Variants in MYO10 observed in about 807,000 individuals in gnomAD.
MYO10 encodes myosin X.
A neutral mutation model predicts 257.3 loss-of-function variants in MYO10; 133 were observed. That is an observed-to-expected ratio of 0.52 (90% CI 0.45 to 0.60). MYO10 has a LOEUF of 0.60. MYO10 is among the 20% of genes least tolerant of loss of function. MYO10 has a pLI of 0.00. For missense variants in MYO10, 2,399 were observed against 2,635.7 expected (o/e 0.91, Z 1.97); for synonymous variants, 1,104 against 1,028.6 (o/e 1.07, Z -1.40).
chr5:16,926,229 G>A (rs1330845760), intron 1 of MYO10, among the ~76,000 whole-genome samples: 1 of 152,090 alleles, frequency 6.6e-6, no homozygotes, highest in East Asian at 1.9e-4. Flanking sequence ...TCAGATTACG[G>A]ATATTCAACC....
chr5:16,883,107 A>G (rs946286411), intron 1 of MYO10, among the ~76,000 whole-genome samples: 2 of 151,696 alleles, frequency 1.3e-5, no homozygotes, highest in Admixed American at 6.6e-5. Context: ...AGTAGAGACG[A>G]GGTTTCACCG....
intron 2 of MYO10, among the ~76,000 whole-genome samples, chr5:16,841,494 T>C (rs1743479857): frequency 6.6e-6 from 1 of 152,186 alleles, no homozygotes. Flanking sequence ...CCAAAATTTA[T>C]CTCTGCGAAC....
chr5:16,691,110 A>G (rs1329410162), intron 27 of MYO10, among the ~76,000 whole-genome samples: 1 of 151,666 alleles, frequency 6.6e-6, no homozygotes, highest in Non-Finnish European at 1.5e-5. Flanking sequence ...TCTACTAAAA[A>G]TACAAAAAAA....
chr5:16,840,434 AAT>A (rs1743443111), intron 2 of MYO10, among the ~76,000 whole-genome samples: 1 of 112,544 alleles, frequency 8.9e-6, no homozygotes, highest in African/African-American at 2.6e-5. Flanking sequence ...TGAATGAATG[AAT>A]GAATGAATGA....
chr5:16,791,450 C>T (rs918349242), intron 4 of MYO10, among the ~76,000 whole-genome samples: 2 of 152,084 alleles, frequency 1.3e-5, no homozygotes, highest in African/African-American at 4.8e-5. Context: ...ATCAGCATTG[C>T]ATAATTGGAG....
chr5:16,907,635 TA>T (rs1745552873), intron 1 of MYO10, among the ~76,000 whole-genome samples: 1 of 152,212 alleles, frequency 6.6e-6, no homozygotes, highest in African/African-American at 2.4e-5. Context: ...AGGATTTACA[TA>T]AGGAGACATA....
intron 19 of MYO10, among the ~76,000 whole-genome samples, chr5:16,731,044 CTTTT>C (rs907400094): frequency 7.3e-6 from 1 of 136,946 alleles, no homozygotes. Flanking sequence ...TCAAAACACA[CTTTT>C]TTTTTTTTTT....
At chr5:16,836,347 G>A (rs1474446418) in intron 2 of MYO10, among the ~76,000 whole-genome samples, 1 of 152,188 alleles carries the variant, frequency 6.6e-6, no homozygotes, top group Non-Finnish European at 1.5e-5. Flanking sequence ...CACTGTTACA[G>A]ACAAAAATAG....
intron 27 of MYO10, among the ~76,000 whole-genome samples, chr5:16,691,840 T>C (rs1737523684): frequency 1.3e-5 from 2 of 152,194 alleles, no homozygotes; most frequent in South Asian, 2.1e-4. Context: ...ACTCGATCAC[T>C]CTCTAGGTCT....
chr5:16,877,510 G>A (rs1561033329), intron 2 of MYO10, 99 bp downstream of exon 2: 1 of 822,978 alleles, frequency 1.2e-6, no homozygotes, highest in Non-Finnish European at 2.0e-6. Context: ...AAAATGTAAA[G>A]CGTGTGTATG....
intron 3 of MYO10, among the ~76,000 whole-genome samples, chr5:16,812,409 G>A (rs923633860): frequency 1.3e-5 from 2 of 152,154 alleles, no homozygotes; most frequent in African/African-American, 2.4e-5. Flanking sequence ...TCCCCTCAGC[G>A]ACAAGCCTGG....
At chr5:16,773,160 AAAGAAT>A (rs1252500531) in intron 9 of MYO10, among the ~76,000 whole-genome samples, 5 of 152,230 alleles carry the variant, frequency 3.3e-5, no homozygotes, top group Admixed American at 6.5e-5. Flanking sequence ...AAACAGAAAC[AAAGAAT>A]AAGAACTATT....
chr5:16,756,600 A>G (rs962944127), intron 18 of MYO10, among the ~76,000 whole-genome samples: 3 of 152,168 alleles, frequency 2.0e-5, no homozygotes, highest in African/African-American at 7.2e-5. Context: ...ACATCCTGAC[A>G]TTCACGGCCC....
chr5:16,745,546 C>T (rs1372601955), intron 19 of MYO10, among the ~76,000 whole-genome samples: 3 of 151,702 alleles, frequency 2.0e-5, no homozygotes, highest in East Asian at 3.9e-4. Flanking sequence ...ATTAGCCAGG[C>T]CCAGTGGTGG....
chr5:16,886,722 A>G (rs1163522874), intron 1 of MYO10, among the ~76,000 whole-genome samples: 1 of 152,184 alleles, frequency 6.6e-6, no homozygotes, highest in African/African-American at 2.4e-5. Context: ...ACTTGAGATC[A>G]GGAGTTTGAC....
chr5:16,933,474 C>T (rs1285290024), intron 1 of MYO10, among the ~76,000 whole-genome samples: 1 of 152,220 alleles, frequency 6.6e-6, no homozygotes, highest in East Asian at 1.9e-4. Flanking sequence ...ATTGTTAGCA[C>T]TGGCTTTAAA....
chr5:16,737,189 C>G (rs531582424), intron 19 of MYO10, among the ~76,000 whole-genome samples: 12 of 152,168 alleles, frequency 7.9e-5, no homozygotes, highest in Non-Finnish European at 1.8e-4. Flanking sequence ...GTTACTGTAT[C>G]TTTAATAGGA....
chr5:16,760,981 T>A (rs1333699552), intron 17 of MYO10, among the ~76,000 whole-genome samples: 1 of 142,222 alleles, frequency 7.0e-6, no homozygotes, highest in Non-Finnish European at 1.5e-5. Context: ...TTATTATTAT[T>A]AATTTATTTA....
intron 1 of MYO10, among the ~76,000 whole-genome samples, chr5:16,888,882 T>C (rs1580117816): frequency 6.6e-6 from 1 of 152,172 alleles, no homozygotes; most frequent in East Asian, 1.9e-4. Flanking sequence ...ATATAAACAA[T>C]AGGCCAGGCC....
Sources: allele counts gnomAD v4.1 joint callset (sites outside exome capture counted in the v4.1 genomes callset), GRCh38; gene constraint gnomAD v4.1.1; transcripts MANE v1.5; gene names NCBI Gene and HGNC (gene_info 2026-07-23, HGNC 2026-07-21).